The following APPBP2 variants were observed in gnomAD, a reference collection of about 807,000 sequenced individuals.
The protein encoded by APPBP2 is amyloid protein-binding protein 2.
In APPBP2, 15 loss-of-function variants were observed where a neutral mutation model predicts 76.0. The observed-to-expected ratio is 0.20, with a 90% CI of 0.13 to 0.30. The LOEUF (loss-of-function observed/expected upper bound fraction) is 0.30. Ranked by LOEUF, APPBP2 falls within the 10% of genes least tolerant of loss-of-function variation. APPBP2 has a pLI of 1.00. For synonymous variants in APPBP2, 222 were observed against 242.2 expected, an observed-to-expected ratio of 0.92 and a Z score of 0.77; for missense variants, 401 against 687.2, an observed-to-expected ratio of 0.58 and a Z score of 4.66.
At chr17:60,460,922 T>G in intron 8 of APPBP2, 135 bp from the exon 9 acceptor site, 4 of 847,024 alleles carry the variant, frequency 4.7e-6, no homozygotes, top group Non-Finnish European at 6.5e-6. Flanking sequence ...CCTGCTGTAT[T>G]TAAATTACAG....
intron 10 of APPBP2, 128 bp downstream of exon 10, chr17:60,456,168 G>A (rs564096481): frequency 1.5e-6 from 1 of 649,940 alleles, no homozygotes; most frequent in African/African-American, 1.8e-5. Context: ...TGGCTATCTA[G>A]TAATACATAG....
intron 4 of APPBP2, among the ~76,000 whole-genome samples, chr17:60,467,031 CTATT>C (rs1235470221): frequency 2.7e-5 from 4 of 149,870 alleles, no homozygotes; most frequent in Non-Finnish European, 4.4e-5. Context: ...ACTATGCTGA[CTATT>C]TAATGATATG....
intron 1 of APPBP2, among the ~76,000 whole-genome samples, chr17:60,512,947 T>A (rs146806206): frequency 0.025 from 3,569 of 142,678 alleles, 56 homozygotes; most frequent in Non-Finnish European, 0.038. Context: ...AAAAAAAAAA[T>A]TTTTCTTTTC....
chr17:60,461,046 C>T (rs2090472772), intron 8 of APPBP2: 1 of 208,452 alleles, frequency 4.8e-6, no homozygotes. Flanking sequence ...AGAATCAAGA[C>T]ATTGGGAATG....
At chr17:60,449,550 C>T (rs1432957248) in intron 12 of APPBP2, among the ~76,000 whole-genome samples, 4 of 152,022 alleles carry the variant, frequency 2.6e-5, no homozygotes, top group African/African-American at 9.7e-5. Flanking sequence ...GAGCTAAGAC[C>T]ACGCCACTGC....
At position 60,456,388 on chromosome 17, in the gene APPBP2, T is replaced by C; in HGVS notation, c.1062-7A>G. On this transcript the variant is annotated splice_polypyrimidine_tract_variant and splice_region_variant and intron_variant, in intron 9 of 12. Coordinates refer to ENST00000083182, the MANE Select transcript of APPBP2 (RefSeq NM_006380.5). ...AGCTCTTTCTGCATGAAATCTGTAA[T>C]ACAGATAGATACAGTCTGGCATTTC... 6.6e-7 allele frequency: 1 copy of C among 1,504,098 alleles called. No individual in the cohort carries two copies. Among genetic ancestry groups the C allele is most frequent in the Non-Finnish European group, 9.2e-7 (1 of 1,081,720 alleles). The allele number at this position is 1,504,098 out of a possible 1,614,324, so 93.2% of individuals were successfully genotyped here.
chr17:60,496,247 G>T (rs182709278), intron 2 of APPBP2, among the ~76,000 whole-genome samples: 2 of 152,278 alleles, frequency 1.3e-5, no homozygotes, highest in East Asian at 3.9e-4. Context: ...AAAATCTTGT[G>T]AATAGTTGAA....
At chr17:60,473,374 C>T (rs1023247803) in intron 4 of APPBP2, among the ~76,000 whole-genome samples, 8 of 152,080 alleles carry the variant, frequency 5.3e-5, no homozygotes, top group African/African-American at 1.9e-4. Context: ...ATCCATTCTC[C>T]CAAATGCATA....
chr17:60,478,650 G>A (rs1011103306), intron 4 of APPBP2, among the ~76,000 whole-genome samples: 8 of 152,136 alleles, frequency 5.3e-5, no homozygotes, highest in Admixed American at 2.6e-4. Context: ...GGCCAGGCAC[G>A]GTGGCTCATG....
At chr17:60,453,726 A>C (rs2090413188) in intron 11 of APPBP2, among the ~76,000 whole-genome samples, 1 of 151,344 alleles carries the variant, frequency 6.6e-6, no homozygotes, top group South Asian at 2.1e-4. Flanking sequence ...TTTTGTAGAG[A>C]TGGGATTTCC....
chr17:60,524,717 T>C (rs1381955343), intron 1 of APPBP2, among the ~76,000 whole-genome samples: 1 of 149,864 alleles, frequency 6.7e-6, no homozygotes, highest in Non-Finnish European at 1.5e-5. Context: ...AACATAAACA[T>C]CTGTTAAAAT....
intron 1 of APPBP2, among the ~76,000 whole-genome samples, chr17:60,524,509 A>AT (rs2091034473): frequency 6.6e-6 from 1 of 150,706 alleles, no homozygotes; most frequent in Non-Finnish European, 1.5e-5. Flanking sequence ...GACCTAAATG[A>AT]ATCTTCTCCA....
At chr17:60,507,226 C>CT (rs72163217) in intron 1 of APPBP2, among the ~76,000 whole-genome samples, 489 of 141,144 alleles carry the variant, frequency 3.5e-3, no homozygotes, top group Middle Eastern at 0.011. Flanking sequence ...TTTCTTTTTT[C>CT]TTTTTTTTTT....
chr17:60,524,912 GGA>G (rs746792858), intron 1 of APPBP2, among the ~76,000 whole-genome samples: 1 of 152,194 alleles, frequency 6.6e-6, no homozygotes, highest in Non-Finnish European at 1.5e-5. Flanking sequence ...CAAATGTGGG[GGA>G]GAGAAAAGGG....
intron 2 of APPBP2, among the ~76,000 whole-genome samples, chr17:60,498,781 A>G (rs1271532951): frequency 6.6e-6 from 1 of 152,196 alleles, no homozygotes; most frequent in Non-Finnish European, 1.5e-5. Flanking sequence ...GGAAAAAGAC[A>G]AGACAGGGGT....
Position 60,454,357 on chromosome 17 carries a change from G to C in APPBP2, c.1283C>G (p.Thr428Ser), listed in dbSNP as rs2090417507. 6.2e-7 allele frequency: 1 copy of C among 1,608,922 alleles called. No homozygotes were observed. Among genetic ancestry groups the C allele is most frequent in the Non-Finnish European group, 8.5e-7 (1 of 1,177,992 alleles). The change falls in exon 11 of 13, where the codon ACT becomes AGT. Residue 428 changes from threonine to serine, a missense_variant. Thr to Ser is a moderately conservative substitution (Grantham distance 58). Coordinates refer to ENST00000083182, the MANE Select transcript of APPBP2 (RefSeq NM_006380.5). Reference protein sequence around the residue: ...KKAFGEFNVQTAKHYGNLGRL... With the variant: ...KKAFGEFNVQSAKHYGNLGRL... ...TCCAAGGTTTCCATAGTGTTTTGCA[G>C]TCTGTACATTAAATTCCCCAAAAGC... is the stretch of plus-strand genomic sequence containing the variant.
chr17:60,471,601 C>T (rs1388320956), intron 4 of APPBP2, among the ~76,000 whole-genome samples: 12 of 150,316 alleles, frequency 8.0e-5, no homozygotes, highest in South Asian at 4.2e-4. Context: ...TCCCTTCATC[C>T]TATTAACATG....
At chr17:60,489,594 G>C (rs1188068531) in intron 3 of APPBP2, among the ~76,000 whole-genome samples, 1 of 141,510 alleles carries the variant, frequency 7.1e-6, no homozygotes, top group Non-Finnish European at 1.5e-5. Context: ...CTGGGCGACA[G>C]AGTGGGACCA....
At chr17:60,490,406 C>G (rs1377536387) in intron 3 of APPBP2, among the ~76,000 whole-genome samples, 1 of 152,044 alleles carries the variant, frequency 6.6e-6, no homozygotes, top group East Asian at 1.9e-4. Context: ...AAAAAAGAGC[C>G]AAGTGCAGTG....
Sources: allele counts gnomAD v4.1 joint callset (sites outside exome capture counted in the v4.1 genomes callset), GRCh38; gene constraint gnomAD v4.1.1; transcripts MANE v1.5; gene names NCBI Gene and HGNC (gene_info 2026-07-23, HGNC 2026-07-21).